The following SGMS1 variants were observed in gnomAD, a reference collection of about 807,000 sequenced individuals.
SGMS1 encodes phosphatidylcholine:ceramide cholinephosphotransferase 1.
Under a neutral mutation model 46.2 loss-of-function variants are expected in SGMS1, and 13 were observed. That is an observed-to-expected ratio of 0.28 (90% CI 0.18 to 0.45). The LOEUF (loss-of-function observed/expected upper bound fraction) is 0.45. Among genes scored for constraint, SGMS1 ranks in the 20% least tolerant of loss-of-function variants. SGMS1 has a pLI of 1.00. For synonymous variants in SGMS1, 203 were observed against 187.8 expected, an observed-to-expected ratio of 1.08 and a Z score of -0.66; for missense variants, 324 against 519.9, an observed-to-expected ratio of 0.62 and a Z score of 3.66.
intron 2 of SGMS1, among the ~76,000 whole-genome samples, chr10:50,586,282 A>C (rs909240478): frequency 5.3e-5 from 8 of 152,200 alleles, no homozygotes; most frequent in Non-Finnish European, 8.8e-5. Context: ...CAGAGGATAT[A>C]CACTCACTCT....
At chr10:50,405,492 T>C (rs1214936128) in intron 6 of SGMS1, among the ~76,000 whole-genome samples, 1 of 152,168 alleles carries the variant, frequency 6.6e-6, no homozygotes, top group East Asian at 1.9e-4. Context: ...GCATGGTGTA[T>C]AGAGCAAGAA....
chr10:50,552,784 A>G (rs890037321), intron 2 of SGMS1, among the ~76,000 whole-genome samples: 17 of 152,098 alleles, frequency 1.1e-4, no homozygotes, highest in African/African-American at 4.1e-4. Context: ...AATGACCTTG[A>G]GATGGGGGGA....
At chr10:50,353,991 A>G (rs1184334931) in intron 6 of SGMS1, among the ~76,000 whole-genome samples, 42 of 152,318 alleles carry the variant, frequency 2.8e-4, no homozygotes, top group South Asian at 8.3e-4. Flanking sequence ...GGAAGAATCA[A>G]CATCGTGAAA....
At chr10:50,351,999 A>T (rs1240421278) in intron 6 of SGMS1, among the ~76,000 whole-genome samples, 3 of 152,230 alleles carry the variant, frequency 2.0e-5, no homozygotes, top group Admixed American at 6.5e-5. Flanking sequence ...TACAAATGAC[A>T]TATTTAAAGC....
chr10:50,543,917 A>G (rs1288759845), intron 2 of SGMS1, among the ~76,000 whole-genome samples: 1 of 152,232 alleles, frequency 6.6e-6, no homozygotes, highest in Non-Finnish European at 1.5e-5. Context: ...TACAGGAGCC[A>G]TACGAAGAAC....
chr10:50,599,473 T>TG (rs1838628318), intron 1 of SGMS1, among the ~76,000 whole-genome samples: 1 of 151,352 alleles, frequency 6.6e-6, no homozygotes, highest in South Asian at 2.1e-4. Flanking sequence ...CTGGGAGCCT[T>TG]TTTTTTTACT....
At chr10:50,588,772 T>TA (rs1481158049) in intron 2 of SGMS1, among the ~76,000 whole-genome samples, 3 of 146,126 alleles carry the variant, frequency 2.1e-5, no homozygotes, top group East Asian at 4.2e-4. Context: ...CTCTGTCACT[T>TA]AGACTGGAGT....
intron 2 of SGMS1, among the ~76,000 whole-genome samples, chr10:50,566,668 T>C (rs924705676): frequency 3.9e-5 from 6 of 152,226 alleles, no homozygotes; most frequent in Admixed American, 2.0e-4. Flanking sequence ...TTATTTTAAA[T>C]AGAAAACAGC....
intron 5 of SGMS1, among the ~76,000 whole-genome samples, chr10:50,449,695 C>T (rs1837076622): frequency 6.6e-6 from 1 of 151,868 alleles, no homozygotes; most frequent in African/African-American, 2.4e-5. Context: ...CTTACACTCC[C>T]CATCCACTTC....
chr10:50,379,441 TATA>T (rs1451116017), intron 6 of SGMS1, among the ~76,000 whole-genome samples: 9 of 32,876 alleles, frequency 2.7e-4, no homozygotes, highest in African/African-American at 1.3e-3. Flanking sequence ...TATACATTTA[TATA>T]TATATATATA....
chr10:50,580,031 T>C (rs1838418728), intron 2 of SGMS1, among the ~76,000 whole-genome samples: 1 of 152,146 alleles, frequency 6.6e-6, no homozygotes, highest in South Asian at 2.1e-4. Flanking sequence ...TAGTGGTAAG[T>C]GCATAGAAAA....
At chr10:50,512,241 A>G (rs1365362599) in intron 3 of SGMS1, among the ~76,000 whole-genome samples, 2 of 152,146 alleles carry the variant, frequency 1.3e-5, no homozygotes, top group African/African-American at 2.4e-5. Context: ...GTGAGGGAGT[A>G]GGAAACAAGA....
chr10:50,365,137 G>A (rs958884328), intron 6 of SGMS1, among the ~76,000 whole-genome samples: 1 of 151,404 alleles, frequency 6.6e-6, no homozygotes, highest in Admixed American at 6.6e-5. Context: ...GGTGGAGCAT[G>A]TAGTCCCAGC....
At chr10:50,443,851 A>T (rs1476715379) in intron 5 of SGMS1, among the ~76,000 whole-genome samples, 5 of 152,162 alleles carry the variant, frequency 3.3e-5, no homozygotes, top group Admixed American at 2.0e-4. Context: ...ATGTACAAAG[A>T]CAATAGCACA....
intron 6 of SGMS1, among the ~76,000 whole-genome samples, chr10:50,374,498 T>A (rs1848494068): frequency 7.0e-6 from 1 of 141,952 alleles, no homozygotes; most frequent in Non-Finnish European, 1.5e-5. Flanking sequence ...TCCAAATATA[T>A]CCAGAAACCA....
intron 5 of SGMS1, among the ~76,000 whole-genome samples, chr10:50,450,455 C>T (rs955230034): frequency 9.2e-5 from 14 of 152,110 alleles, no homozygotes; most frequent in African/African-American, 3.4e-4. Flanking sequence ...ATAATCATGC[C>T]TTCAAATATT....
chr10:50,518,576 G>C (rs1837829844), intron 3 of SGMS1, among the ~76,000 whole-genome samples: 5 of 152,022 alleles, frequency 3.3e-5, no homozygotes, highest in Admixed American at 3.3e-4. Context: ...ACAGGCACGT[G>C]CCACCATTCC....
At chr10:50,567,139 G>T (rs757883242) in intron 2 of SGMS1, among the ~76,000 whole-genome samples, 14 of 152,142 alleles carry the variant, frequency 9.2e-5, no homozygotes, top group Non-Finnish European at 1.8e-4. Context: ...TAGAGACGGG[G>T]TTTCACCATG....
At chr10:50,406,310 C>T (rs185538326) in intron 6 of SGMS1, among the ~76,000 whole-genome samples, 141 of 152,308 alleles carry the variant, frequency 9.3e-4, no homozygotes, top group African/African-American at 2.9e-3. Context: ...TCAGGAGTCA[C>T]ATCAGACTCC....
Sources: allele counts gnomAD v4.1 joint callset (sites outside exome capture counted in the v4.1 genomes callset), GRCh38; gene constraint gnomAD v4.1.1; transcripts MANE v1.5; gene names NCBI Gene and HGNC (gene_info 2026-07-23, HGNC 2026-07-21).